Variants in DPP6 observed in about 807,000 individuals in gnomAD.
DPP6 encodes the protein dipeptidyl peptidase like 6, also known as A-type potassium channel modulatory protein DPP6.
A neutral mutation model predicts 122.6 loss-of-function variants in DPP6; 69 were observed. That is an observed-to-expected ratio of 0.56 (90% CI 0.46 to 0.69). The LOEUF (loss-of-function observed/expected upper bound fraction) is 0.69, where lower values mean the gene tolerates loss of function less well. DPP6 is among the 30% of genes least tolerant of loss of function. The pLI is 0.00. For synonymous variants in DPP6, 418 were observed against 433.1 expected, an observed-to-expected ratio of 0.97 and a Z score of 0.43; for missense variants, 928 against 1,116.9, an observed-to-expected ratio of 0.83 and a Z score of 2.41.
intron 1 of DPP6, among the ~76,000 whole-genome samples, chr7:154,216,078 C>T (rs191523419): frequency 5.6e-4 from 85 of 152,292 alleles, no homozygotes; most frequent in East Asian, 3.3e-3. Flanking sequence ...TCTGTAAGCA[C>T]GTGCCCAGTT....
intron 1 of DPP6, among the ~76,000 whole-genome samples, chr7:153,927,802 G>T (rs1384677778): frequency 1.3e-5 from 2 of 152,130 alleles, no homozygotes. Context: ...CTCCTGGAGG[G>T]TGGGGCTTTC....
chr7:153,992,122 C>T lies in DPP6; in HGVS notation c.51+104388C>T, dbSNP rs1306039741. Among the ~76,000 whole-genome samples, 8 of 152,012 alleles carry T rather than the reference C, an allele frequency of 5.3e-5. No individual in the cohort carries two copies. The South Asian group carries it at 8.3e-4, about 16-fold the overall frequency. On this transcript the variant is annotated intron_variant, in intron 1 of 25. Coordinates refer to the DPP6 transcript ENST00000404039. The stretch of plus-strand genomic sequence containing the variant: ...TGAACACCTCCCAAAAGGCCCCACC[C>T]CCCAAACACTGTTGCATTGGGGATT...
chr7:154,826,085 A>C (rs1425938020), intron 16 of DPP6, among the ~76,000 whole-genome samples: 1 of 152,232 alleles, frequency 6.6e-6, no homozygotes, highest in Non-Finnish European at 1.5e-5. Flanking sequence ...GATCATTACA[A>C]GAATGGGAGC....
chr7:154,042,438 C>T (rs2129058309), intron 1 of DPP6, among the ~76,000 whole-genome samples: 1 of 152,248 alleles, frequency 6.6e-6, no homozygotes, highest in Non-Finnish European at 1.5e-5. Flanking sequence ...AAAACAACAA[C>T]AAAAACCTTC....
chr7:153,973,845 A>G (rs1362154442), intron 1 of DPP6, among the ~76,000 whole-genome samples: 3 of 146,952 alleles, frequency 2.0e-5, no homozygotes, highest in Non-Finnish European at 4.5e-5. Context: ...TGCACTGTTC[A>G]TTTTTAGTAT....
At chr7:154,249,269 C>G (rs1802194887) in intron 1 of DPP6, among the ~76,000 whole-genome samples, 1 of 152,364 alleles carries the variant, frequency 6.6e-6, no homozygotes, top group South Asian at 2.1e-4. Context: ...TTTTGTGCGT[C>G]AAGCACAAAG....
At chr7:154,476,206 A>T (rs958260317) in intron 3 of DPP6, among the ~76,000 whole-genome samples, 1 of 152,192 alleles carries the variant, frequency 6.6e-6, no homozygotes, top group African/African-American at 2.4e-5. Flanking sequence ...TAAAAGTGAA[A>T]AAAGTAGGTG....
chr7:154,042,503 C>T lies in DPP6; in HGVS notation c.51+154769C>T, dbSNP rs549411879. On this transcript the variant is annotated intron_variant, in intron 1 of 25. Transcript: ENST00000404039. ...AAAATGTCAAGCTTTTCTCAGTGTT[C>T]GGTGCAGTACAAACGTAGGATTATT... Among the ~76,000 whole-genome samples, 8 of 152,222 alleles carry T rather than the reference C, an allele frequency of 5.3e-5. No homozygotes were observed. The East Asian group carries it at 9.7e-4, about 18-fold the overall frequency.
At chr7:154,148,460 C>T (rs1796232674) in intron 1 of DPP6, among the ~76,000 whole-genome samples, 1 of 150,244 alleles carries the variant, frequency 6.7e-6, no homozygotes, top group Non-Finnish European at 1.5e-5. Flanking sequence ...ACCGTGTGCA[C>T]AGGATTTGTC....
At chr7:154,741,025 C>T (rs184183371) in intron 8 of DPP6, among the ~76,000 whole-genome samples, 87 of 152,302 alleles carry the variant, frequency 5.7e-4, no homozygotes, top group Middle Eastern at 6.8e-3. Flanking sequence ...CTCACCTCCA[C>T]GTCAGAGCTC....
chr7:154,658,428 A>G (rs1211067623), intron 6 of DPP6, among the ~76,000 whole-genome samples: 2 of 152,208 alleles, frequency 1.3e-5, no homozygotes, highest in Non-Finnish European at 2.9e-5. Context: ...TAGTTCTAGG[A>G]TGGAACAAAA....
Position 154,036,009 on chromosome 7 carries a change from C to CGT in DPP6, c.51+148276_51+148277insTG, listed in dbSNP as rs1184953588. The stretch of plus-strand genomic sequence containing the variant: ...AGAGAATGATGAATGGCCAGGATTA[C>CGT]GCGCGCGCGCTTGTGTGTGTGTGTG... On this transcript the variant is annotated intron_variant, in intron 1 of 25. Transcript: ENST00000404039. 2.4e-3 allele frequency among the ~76,000 whole-genome samples: 22 copies of CGT among 9,012 alleles called. No individual in the cohort carries two copies. The South Asian group carries it at 0.041, about 17-fold the overall frequency. 5.9% of individuals were successfully genotyped at this position (9,012 alleles called of 152,430 possible).
chr7:154,868,360 G>C (rs571223868), intron 18 of DPP6, among the ~76,000 whole-genome samples: 1 of 152,170 alleles, frequency 6.6e-6, no homozygotes, highest in Non-Finnish European at 1.5e-5. Context: ...AGACTCCAAC[G>C]CTCTCCTTCT....
chr7:153,790,989 T>A, the DPP6 span, among the ~76,000 whole-genome samples: 6 of 152,160 alleles, frequency 3.9e-5, no homozygotes, highest in African/African-American at 1.4e-4. Flanking sequence ...CCTCAAGAAA[T>A]TGAAAAAGAG....
At chr7:153,769,978 T>C in the DPP6 span, among the ~76,000 whole-genome samples, 1 of 151,970 alleles carries the variant, frequency 6.6e-6, no homozygotes, top group Admixed American at 6.6e-5. Flanking sequence ...GAAGGCAGGG[T>C]TCATATTCTC....
chr7:154,522,698 G>GAAA (rs11392124), intron 3 of DPP6, among the ~76,000 whole-genome samples: 1 of 151,342 alleles, frequency 6.6e-6, no homozygotes, highest in East Asian at 2.0e-4. Context: ...CCAGACACGA[G>GAAA]AAAAAAAAAT....
intron 10 of DPP6, among the ~76,000 whole-genome samples, chr7:154,783,661 C>G (rs1485801534): frequency 6.6e-6 from 1 of 152,202 alleles, no homozygotes; most frequent in African/African-American, 2.4e-5. Flanking sequence ...TCCCTCTGAT[C>G]AATGCTTCCC....
intron 3 of DPP6, among the ~76,000 whole-genome samples, chr7:154,491,546 G>T (rs1267712406): frequency 6.6e-6 from 1 of 152,096 alleles, no homozygotes; most frequent in Admixed American, 6.5e-5. Flanking sequence ...TGCCATTGGA[G>T]CCTACAATTC....
chr7:154,401,290 A>G (rs951669744), intron 1 of DPP6, among the ~76,000 whole-genome samples: 1 of 152,196 alleles, frequency 6.6e-6, no homozygotes, highest in Admixed American at 6.5e-5. Flanking sequence ...TGATTCTAAG[A>G]ATAGAAAATT....
Sources: allele counts gnomAD v4.1 joint callset (sites outside exome capture counted in the v4.1 genomes callset), GRCh38; gene constraint gnomAD v4.1.1; transcripts MANE v1.5; gene names NCBI Gene and HGNC (gene_info 2026-07-23, HGNC 2026-07-21).